Variants in COPS9 observed in about 807,000 individuals in gnomAD.
COPS9 encodes the protein COP9 signalosome complex subunit 9.
A neutral mutation model predicts 7.2 loss-of-function variants in COPS9; 8 were observed. That is an observed-to-expected ratio of 1.11 (90% CI 0.65 to 2.00). The LOEUF (loss-of-function observed/expected upper bound fraction) is 2.00, where lower values mean the gene tolerates loss of function less well. Among genes scored for constraint, COPS9 ranks in the 30% most tolerant of loss-of-function variants. COPS9 has a pLI of 0.00. For missense variants in COPS9, 74 were observed against 77.7 expected (o/e 0.95, Z 0.18); for synonymous variants, 39 against 28.7 (o/e 1.36, Z -1.14).
chr2:240,129,166 A>G (rs2071895381), downstream of COPS9, among the ~76,000 whole-genome samples: 1 of 152,192 alleles, frequency 6.6e-6, no homozygotes, highest in Non-Finnish European at 1.5e-5. Context: ...GCCCAGAGAA[A>G]CATTTCTGGT....
chr2:240,126,799 CCT>C (rs1330620412), downstream of COPS9: 7 of 1,614,086 alleles, frequency 4.3e-6, no homozygotes, highest in Middle Eastern at 3.3e-4. Flanking sequence ...CCCATTTTCC[CCT>C]CACTTGTTGC....
intron 1 of COPS9, among the ~76,000 whole-genome samples, chr2:240,135,294 CCA>C (rs1389505165): frequency 6.6e-6 from 1 of 152,198 alleles, no homozygotes; most frequent in Non-Finnish European, 1.5e-5. Flanking sequence ...CAGCATTTGG[CCA>C]CAGAGTCGAC....
intron 2 of COPS9, among the ~76,000 whole-genome samples, chr2:240,133,504 A>C (rs1304134131): frequency 6.6e-6 from 1 of 152,186 alleles, no homozygotes; most frequent in African/African-American, 2.4e-5. Flanking sequence ...AAGGCAGCTG[A>C]GGGCATGAGA....
At chr2:240,135,965 C>T (rs1469830611) in intron 1 of COPS9, 3 of 530,860 alleles carry the variant, frequency 5.7e-6, no homozygotes, top group African/African-American at 2.0e-5. Flanking sequence ...GGGCACCCAG[C>T]AGGCACTCAA....
intron 1 of COPS9, among the ~76,000 whole-genome samples, chr2:240,135,389 G>A (rs1251619170): frequency 1.3e-5 from 2 of 152,092 alleles, no homozygotes; most frequent in Non-Finnish European, 2.9e-5. Flanking sequence ...ATGACACCTG[G>A]TATTTGCAAT....
downstream of COPS9, among the ~76,000 whole-genome samples, chr2:240,130,494 G>A (rs754842903): frequency 4.4e-4 from 67 of 152,220 alleles, no homozygotes; most frequent in Non-Finnish European, 1.3e-4. Context: ...TAGTTCTTAA[G>A]CCTAGGGGCA....
At chr2:240,131,196 T>C in intron 2 of COPS9, 108 bp from the exon 3 acceptor site, 3 of 1,250,700 alleles carry the variant, frequency 2.4e-6, no homozygotes, top group Non-Finnish European at 3.4e-6. Flanking sequence ...TAATCGTCAA[T>C]GATCCAATGA....
intron 1 of COPS9, chr2:240,134,291 C>G: frequency 5.8e-6 from 2 of 345,240 alleles, no homozygotes; most frequent in Non-Finnish European, 5.3e-6. Flanking sequence ...CTTCTCTGTG[C>G]CCCTCAAGGA....
At chr2:240,127,793 A>G (rs866440316), downstream of COPS9, among the ~76,000 whole-genome samples, 1 of 152,040 alleles carries the variant, frequency 6.6e-6, no homozygotes, top group Admixed American at 6.5e-5. Flanking sequence ...GCTTGTTTAC[A>G]CTTAAGAAAT....
In COPS9 at chr2:240,131,126, A is replaced by C. The variant is rs200787829; in HGVS notation, c.137-38T>G. On this transcript the variant is annotated intron_variant, in intron 2 of 2. Transcript: ENST00000607357. ...GCAAAACCACGTAGTTACACCTACAAGGGTAAGGGCTGAAGAAATCACTTC... is the reference window on the plus strand; with the variant it reads ...GCAAAACCACGTAGTTACACCTACACGGGTAAGGGCTGAAGAAATCACTTC... 79 of 1,604,916 alleles carry C rather than the reference A, an allele frequency of 4.9e-5. No homozygotes were observed. In the Admixed American group the frequency reaches 1.3e-3, roughly 27 times the overall value.
chr2:240,131,311 TA>T (rs1190012545), intron 2 of COPS9, among the ~76,000 whole-genome samples: 1 of 152,200 alleles, frequency 6.6e-6, no homozygotes, highest in Non-Finnish European at 1.5e-5. Context: ...AGCTTTCATT[TA>T]AAAGACAATC....
At chr2:240,130,742 G>A (rs2071913676), downstream of COPS9, 10 of 1,175,030 alleles carry the variant, frequency 8.5e-6, no homozygotes, top group East Asian at 7.0e-5. Flanking sequence ...ACAGATGCAC[G>A]CACATGCATG....
downstream of COPS9, chr2:240,126,926 G>C (rs147711425): frequency 3.1e-6 from 5 of 1,612,912 alleles, no homozygotes; most frequent in East Asian, 2.2e-5. Flanking sequence ...CTTCTCTCCC[G>C]TTCAGTTCAC....
intron 1 of COPS9, among the ~76,000 whole-genome samples, chr2:240,135,451 C>G (rs1395231310): frequency 6.6e-6 from 1 of 152,202 alleles, no homozygotes; most frequent in Non-Finnish European, 1.5e-5. Flanking sequence ...TGCCTCTGAC[C>G]ACCTCTGCAG....
chr2:240,135,187 C>T (rs2071963070), intron 1 of COPS9, among the ~76,000 whole-genome samples: 1 of 152,110 alleles, frequency 6.6e-6, no homozygotes, highest in African/African-American at 2.4e-5. Context: ...ACACAACATT[C>T]CCTTCCCTTG....
At chr2:240,135,029 TGGG>T (rs1180948366) in intron 1 of COPS9, among the ~76,000 whole-genome samples, 1 of 152,078 alleles carries the variant, frequency 6.6e-6, no homozygotes, top group East Asian at 1.9e-4. Flanking sequence ...CTGAGAAGCC[TGGG>T]TTTAATGGAA....
At chr2:240,134,101 A>C in intron 1 of COPS9, 96 bp from the exon 2 acceptor site, 1 of 1,133,402 alleles carries the variant, frequency 8.8e-7, no homozygotes, top group Non-Finnish European at 1.3e-6. Context: ...AAAAAAGAAG[A>C]TGGGTGAGGG....
chr2:240,126,698 T>G (rs1264246675), downstream of COPS9: 3 of 1,614,096 alleles, frequency 1.9e-6, no homozygotes, highest in African/African-American at 4.0e-5. Flanking sequence ...CGCTGACCTC[T>G]CGCCTGCTTC....
chr2:240,134,713 C>T (rs2071957199), intron 1 of COPS9, among the ~76,000 whole-genome samples: 1 of 152,162 alleles, frequency 6.6e-6, no homozygotes, highest in South Asian at 2.1e-4. Flanking sequence ...GCCCTTGTTC[C>T]CTTTCAGACA....
Sources: allele counts gnomAD v4.1 joint callset (sites outside exome capture counted in the v4.1 genomes callset), GRCh38; gene constraint gnomAD v4.1.1; transcripts MANE v1.5; gene names NCBI Gene and HGNC (gene_info 2026-07-23, HGNC 2026-07-21).